Variants in ELSPBP1 observed in about 807,000 individuals in gnomAD.
The protein encoded by ELSPBP1 is epididymal sperm binding protein 1.
A neutral mutation model predicts 33.3 loss-of-function variants in ELSPBP1; 38 were observed. That is an observed-to-expected ratio of 1.14 (90% CI 0.88 to 1.50). The LOEUF (loss-of-function observed/expected upper bound fraction) is 1.50, where lower values mean the gene tolerates loss of function less well. ELSPBP1 is among the 40% of genes most tolerant of loss of function. The pLI, the probability that ELSPBP1 is intolerant of heterozygous loss-of-function variation, is 0.00. For synonymous variants in ELSPBP1, 85 were observed against 94.1 expected (o/e 0.90, Z 0.56); for missense variants, 267 against 263.5 (o/e 1.01, Z -0.09).
intron 6 of ELSPBP1, among the ~76,000 whole-genome samples, chr19:48,024,118 A>G (rs972473250): frequency 6.7e-6 from 1 of 150,310 alleles, no homozygotes; most frequent in Admixed American, 6.7e-5. Context: ...TCCTGACCTC[A>G]GGTGATCCAT....
At chr19:48,023,349 GAAA>G (rs1967224896) in intron 6 of ELSPBP1, among the ~76,000 whole-genome samples, 2 of 123,712 alleles carry the variant, frequency 1.6e-5, no homozygotes, top group Admixed American at 9.2e-5. Flanking sequence ...AGGGAGGAAG[GAAA>G]GAAGGAAGGG....
intron 1 of ELSPBP1, among the ~76,000 whole-genome samples, chr19:47,995,659 A>G (rs550557858): frequency 2.0e-5 from 3 of 152,176 alleles, no homozygotes; most frequent in Non-Finnish European, 2.9e-5. Context: ...GCTGCTGAGA[A>G]GCAGAAGGAC....
At chr19:48,003,718 G>A (rs1473655312) in intron 1 of ELSPBP1, among the ~76,000 whole-genome samples, 1 of 89,136 alleles carries the variant, frequency 1.1e-5, no homozygotes, top group Non-Finnish European at 2.5e-5. Flanking sequence ...TTTTTTTTTT[G>A]TATTTTTAGT....
At chr19:48,021,661 G>A (rs747845397) in intron 5 of ELSPBP1, among the ~76,000 whole-genome samples, 2 of 151,888 alleles carry the variant, frequency 1.3e-5, no homozygotes, top group African/African-American at 2.4e-5. Context: ...CGTTGGCCAG[G>A]CTGGTCTCAA....
At chr19:48,016,427 C>T (rs1158183510) in intron 4 of ELSPBP1, among the ~76,000 whole-genome samples, 1 of 149,928 alleles carries the variant, frequency 6.7e-6, no homozygotes, top group Non-Finnish European at 1.5e-5. Flanking sequence ...TTCCTCCCTC[C>T]CTTCCTCCCT....
chr19:47,998,536 C>T (rs933497584), intron 1 of ELSPBP1, among the ~76,000 whole-genome samples: 15 of 152,276 alleles, frequency 9.9e-5, no homozygotes, highest in African/African-American at 2.9e-4. Flanking sequence ...CCTGTAATCC[C>T]AGCACTTTGG....
chr19:48,016,860 A>G lies in ELSPBP1; in HGVS notation c.355+821A>G, dbSNP rs554357670. 1.4e-3 allele frequency among the ~76,000 whole-genome samples: 206 copies of G among 152,200 alleles called. 1 individual carries two copies. The highest frequency in any genetic ancestry group is 4.9e-3 in the African/African-American group (204 of 41,524). Reference sequence around the variant, plus strand: ...GTGATCCATCCGCCTCGGCCTCCCAAAATGCTAGGATTACAGGCATGAGGC... The same window carrying G: ...GTGATCCATCCGCCTCGGCCTCCCAGAATGCTAGGATTACAGGCATGAGGC... On this transcript the variant is annotated intron_variant, in intron 4 of 6. Coordinates refer to ENST00000339841, the MANE Select transcript of ELSPBP1 (RefSeq NM_022142.5).
chr19:48,008,538 T>C, intron 1 of ELSPBP1, 113 bp from the exon 2 acceptor site: 1 of 715,058 alleles, frequency 1.4e-6, no homozygotes. Context: ...CTGGTCTATT[T>C]TTTAAATTAC....
In ELSPBP1 at chr19:48,022,217, T is replaced by C; in HGVS notation, c.562T>C (p.Tyr188His). The change falls in exon 6 of 7, where the codon TAT (tyrosine) becomes CAT (histidine). Residue 188 changes from tyrosine to histidine, a missense_variant. Transcript: ENST00000339841. ...CTTTCCTTGTCACTTTCCGTTCAAC[T>C]ATAAAAACAAGAATTATTTTAACTG... Reference protein sequence around the residue: ...PGFPCHFPFNYKNKNYFNCTN... With the variant: ...PGFPCHFPFNHKNKNYFNCTN... 15 of 1,613,812 alleles carry C rather than the reference T, an allele frequency of 9.3e-6. No individual in the cohort carries two copies. The highest frequency in any genetic ancestry group is 1.3e-5 in the Non-Finnish European group (15 of 1,179,910).
chr19:48,001,568 T>G (rs1411793331), intron 1 of ELSPBP1, among the ~76,000 whole-genome samples: 1 of 151,878 alleles, frequency 6.6e-6, no homozygotes, highest in Non-Finnish European at 1.5e-5. Context: ...TCCACACTCC[T>G]TTTTTTGAGA....
Position 48,023,606 on chromosome 19 carries a change from G to A in ELSPBP1, c.*7+1272G>A, listed in dbSNP as rs989341445. Among the ~76,000 whole-genome samples, 165 of 144,418 alleles carry A rather than the reference G, an allele frequency of 1.1e-3. 1 individual carries two copies. The highest frequency in any genetic ancestry group is 3.9e-3 in the African/African-American group (157 of 39,842). 94.7% of individuals were successfully genotyped at this position (144,418 alleles called of 152,430 possible). ...GGAGGAAGGAAGGAAGGGAGGGAGG[G>A]AGGGAAGAAAGGGAAGGAGGGAAGG... On this transcript the variant is annotated intron_variant, in intron 6 of 6. Coordinates refer to ENST00000339841, the MANE Select transcript of ELSPBP1 (RefSeq NM_022142.5).
chr19:47,996,525 G>T (rs563697772), intron 1 of ELSPBP1, among the ~76,000 whole-genome samples: 3 of 152,208 alleles, frequency 2.0e-5, no homozygotes, highest in African/African-American at 7.2e-5. Context: ...TGGAAGAATG[G>T]GTGGAAGGAT....
chr19:48,009,432 T>C (rs973795026), intron 2 of ELSPBP1, among the ~76,000 whole-genome samples: 4 of 152,158 alleles, frequency 2.6e-5, no homozygotes, highest in Non-Finnish European at 4.4e-5. Context: ...TTAATATATC[T>C]CAGAATCTAA....
chr19:47,997,578 T>C (rs764693365), intron 1 of ELSPBP1, among the ~76,000 whole-genome samples: 3 of 152,086 alleles, frequency 2.0e-5, no homozygotes, highest in Non-Finnish European at 4.4e-5. Context: ...GTGATTTTTT[T>C]TCTTTTCCTT....
chr19:48,003,556 T>G (rs76152990), intron 1 of ELSPBP1, among the ~76,000 whole-genome samples: 1 of 150,380 alleles, frequency 6.6e-6, no homozygotes, highest in African/African-American at 2.4e-5. Flanking sequence ...TTTTTTTTTT[T>G]GATGGAGTCT....
At chr19:48,010,339 A>G (rs1276064115) in intron 2 of ELSPBP1, among the ~76,000 whole-genome samples, 1 of 152,170 alleles carries the variant, frequency 6.6e-6, no homozygotes, top group Non-Finnish European at 1.5e-5. Flanking sequence ...CTGAGACCAC[A>G]CCCACATACT....
chr19:48,014,866 G>A lies in ELSPBP1; in HGVS notation c.208+558G>A, dbSNP rs569009075. On this transcript the variant is annotated intron_variant, in intron 3 of 6. Transcript: ENST00000339841. ...ATAGTGCTCTCTGGATGAGGGTCTT[G>A]TGATACTGTAAGACTAGTTGACCCA... 1.3e-3 allele frequency among the ~76,000 whole-genome samples: 201 copies of A among 152,254 alleles called. 1 individual carries two copies. The highest frequency in any genetic ancestry group is 4.8e-3 in the African/African-American group (199 of 41,548).
chr19:48,019,602 G>T (rs958732952), intron 4 of ELSPBP1, 117 bp from the exon 5 acceptor site: 3 of 972,844 alleles, frequency 3.1e-6, no homozygotes, highest in African/African-American at 3.3e-5. Flanking sequence ...GTTGCTTGGA[G>T]AATCCAATGT....
At chr19:48,014,350 G>T in intron 3 of ELSPBP1, 42 bp downstream of exon 3, 1 of 1,594,784 alleles carries the variant, frequency 6.3e-7, no homozygotes, top group South Asian at 1.1e-5. Context: ...CCTTTGAATA[G>T]GGTGGATCAC....
Sources: gnomAD v4.1 joint callset for allele counts (sites outside exome capture counted in the v4.1 genomes callset) on GRCh38, gnomAD v4.1.1 for gene constraint, MANE v1.5 for transcripts, NCBI Gene and HGNC (gene_info 2026-07-23, HGNC 2026-07-21) for gene names.